The following LMNTD1 variants were observed in gnomAD, a reference collection of about 807,000 sequenced individuals.
The protein encoded by LMNTD1 is lamin tail domain containing 1.
A neutral mutation model predicts 50.9 loss-of-function variants in LMNTD1; 35 were observed. That is an observed-to-expected ratio of 0.69 (90% CI 0.53 to 0.91). The LOEUF is 0.91. Ranked by LOEUF, LMNTD1 falls within the 40% of genes least tolerant of loss-of-function variation. The pLI is 0.00. For synonymous variants in LMNTD1, 153 were observed against 161.9 expected (o/e 0.94, Z 0.42); for missense variants, 470 against 475.5 (o/e 0.99, Z 0.11).
intron 1 of LMNTD1, among the ~76,000 whole-genome samples, chr12:25,645,707 T>G (rs1947055400): frequency 6.6e-6 from 1 of 152,190 alleles, no homozygotes; most frequent in Admixed American, 6.5e-5. Context: ...AGCCGTGACA[T>G]GTAGCAGCTG....
At position 25,522,219 on chromosome 12, in the gene LMNTD1, A is replaced by G. The variant is rs1287594577; in HGVS notation, c.799-2144T>C. Among the ~76,000 whole-genome samples the G allele has an allele frequency of 2.6e-5, 4 of 152,210 alleles. No homozygotes were observed. In the South Asian group the frequency reaches 6.2e-4, roughly 24 times the overall value. On this transcript the variant is annotated intron_variant, in intron 6 of 9. Coordinates refer to ENST00000458174, the MANE Select transcript of LMNTD1 (RefSeq NM_001145728.2). ...AAAAAATGGACTTTTGCTACAGATCATTAGTTACGAATCCTCCCTTTTTAG... is the reference window on the plus strand; with the variant it reads ...AAAAAATGGACTTTTGCTACAGATCGTTAGTTACGAATCCTCCCTTTTTAG...
chr12:25,485,119 CAACA>C (rs1938580271), intron 9 of LMNTD1, among the ~76,000 whole-genome samples: 2 of 147,784 alleles, frequency 1.4e-5, no homozygotes, highest in South Asian at 4.4e-4. Context: ...ACAGTCCCAC[CAACA>C]GTGTAAAAGT....
At chr12:25,639,091 ACCCAG>A (rs1430351959) in intron 1 of LMNTD1, among the ~76,000 whole-genome samples, 1 of 152,128 alleles carries the variant, frequency 6.6e-6, no homozygotes, top group African/African-American at 2.4e-5. Flanking sequence ...AACAAATTAT[ACCCAG>A]ATAACTAAAT....
At chr12:25,483,832 C>T (rs1311419231) in intron 9 of LMNTD1, among the ~76,000 whole-genome samples, 2 of 151,232 alleles carry the variant, frequency 1.3e-5, no homozygotes, top group Non-Finnish European at 2.9e-5. Context: ...TGGGTAATAA[C>T]CCCAAACAAT....
chr12:25,555,589 A>T (rs572907631), upstream of LMNTD1, among the ~76,000 whole-genome samples: 1 of 152,292 alleles, frequency 6.6e-6, no homozygotes, highest in South Asian at 2.1e-4. Context: ...TGGTGTCATG[A>T]TTATGTTTTT....
chr12:25,562,868 C>G (rs11611965), intron 1 of LMNTD1, among the ~76,000 whole-genome samples: 10,451 of 152,236 alleles, frequency 0.069, 426 homozygotes, highest in East Asian at 0.11. Flanking sequence ...CTTCTCTTCT[C>G]CCTTCATTTC....
chr12:25,547,911 G>C (rs1286728420), intron 3 of LMNTD1, among the ~76,000 whole-genome samples: 1 of 151,806 alleles, frequency 6.6e-6, no homozygotes, highest in African/African-American at 2.4e-5. Context: ...AATGGAAGGA[G>C]AAGACTACAT....
intron 6 of LMNTD1, among the ~76,000 whole-genome samples, chr12:25,521,069 G>A (rs1377036855): frequency 2.4e-4 from 37 of 152,078 alleles, no homozygotes; most frequent in Admixed American, 2.4e-3. Flanking sequence ...TTGCTTTTCT[G>A]CTATTGAGTT....
intron 4 of LMNTD1, among the ~76,000 whole-genome samples, chr12:25,542,447 T>C (rs1448800562): frequency 7.3e-5 from 11 of 150,832 alleles, no homozygotes; most frequent in South Asian, 4.2e-4. Flanking sequence ...TGGAAATCAT[T>C]ATTCTCAGTA....
chr12:25,635,621 A>T (rs1946815591), intron 1 of LMNTD1, among the ~76,000 whole-genome samples: 1 of 152,196 alleles, frequency 6.6e-6, no homozygotes, highest in East Asian at 1.9e-4. Context: ...TCTTCACAGA[A>T]TTAGAAGAAA....
At chr12:25,590,771 G>A (rs1945673838) in intron 1 of LMNTD1, among the ~76,000 whole-genome samples, 1 of 152,188 alleles carries the variant, frequency 6.6e-6, no homozygotes, top group African/African-American at 2.4e-5. Context: ...ACCAGTAAGA[G>A]TTGTGAGGCC....
intron 4 of LMNTD1, among the ~76,000 whole-genome samples, chr12:25,536,626 T>G (rs918419867): frequency 6.6e-6 from 1 of 151,806 alleles, no homozygotes; most frequent in African/African-American, 2.4e-5. Flanking sequence ...ATCTGTAGTA[T>G]CAAAAGAGAA....
chr12:25,613,449 G>C (rs1376585595), intron 1 of LMNTD1, among the ~76,000 whole-genome samples: 2 of 152,154 alleles, frequency 1.3e-5, no homozygotes, highest in Non-Finnish European at 2.9e-5. Flanking sequence ...TCTACTTCTT[G>C]CAGTTGTTAT....
At chr12:25,581,241 C>T (rs573413449) in intron 1 of LMNTD1, among the ~76,000 whole-genome samples, 41 of 152,290 alleles carry the variant, frequency 2.7e-4, no homozygotes, top group Admixed American at 2.0e-3. Flanking sequence ...AAAGGCCCCG[C>T]GCAGTGCTTT....
chr12:25,606,743 A>C (rs1946115062), intron 1 of LMNTD1, among the ~76,000 whole-genome samples: 1 of 152,194 alleles, frequency 6.6e-6, no homozygotes, highest in Non-Finnish European at 1.5e-5. Context: ...CCAGTATTTT[A>C]TTGAGGATTT....
At chr12:25,644,900 G>T (rs535990713) in intron 1 of LMNTD1, among the ~76,000 whole-genome samples, 3 of 152,206 alleles carry the variant, frequency 2.0e-5, no homozygotes, top group Admixed American at 1.3e-4. Context: ...ACGAGATGAA[G>T]GCACTCTTGT....
chr12:25,537,082 A>G (rs1196009196), intron 4 of LMNTD1, among the ~76,000 whole-genome samples: 1 of 152,182 alleles, frequency 6.6e-6, no homozygotes, highest in African/African-American at 2.4e-5. Context: ...GTCCTACCCC[A>G]TGGAGTCTCC....
intron 4 of LMNTD1, among the ~76,000 whole-genome samples, chr12:25,533,760 A>T (rs1357883850): frequency 2.0e-5 from 3 of 152,274 alleles, no homozygotes; most frequent in Non-Finnish European, 4.4e-5. Flanking sequence ...TGGAGATGTA[A>T]ATTTGTACAT....
chr12:25,488,886 CT>C (rs1294208574), intron 9 of LMNTD1, among the ~76,000 whole-genome samples: 2 of 152,136 alleles, frequency 1.3e-5, no homozygotes, highest in Non-Finnish European at 2.9e-5. Context: ...AATACCCTGC[CT>C]TGTGAGGTGT....
Sources: allele counts gnomAD v4.1 joint callset (sites outside exome capture counted in the v4.1 genomes callset), GRCh38; gene constraint gnomAD v4.1.1; transcripts MANE v1.5; gene names NCBI Gene and HGNC (gene_info 2026-07-23, HGNC 2026-07-21).